RASA1: variants seen among roughly 807,000 people sequenced by gnomAD.
The protein encoded by RASA1 is ras GTPase-activating protein 1.
RASA1 carries 25 observed loss-of-function variants against 132.2 expected under a neutral mutation model. That is an observed-to-expected ratio of 0.19 (90% CI 0.14 to 0.26). RASA1 has a LOEUF of 0.26. Among genes scored for constraint, RASA1 ranks in the 10% least tolerant of loss-of-function variants. RASA1 has a pLI of 1.00. For synonymous variants in RASA1, 477 were observed against 449.9 expected, an observed-to-expected ratio of 1.06 and a Z score of -0.76; for missense variants, 964 against 1,299.2, an observed-to-expected ratio of 0.74 and a Z score of 3.97.
intron 1 of RASA1, among the ~76,000 whole-genome samples, chr5:87,330,674 T>C (rs1757539491): frequency 6.6e-6 from 1 of 152,170 alleles, no homozygotes; most frequent in African/African-American, 2.4e-5. Context: ...AGTATGTAGG[T>C]AGAACACAGT....
Position 87,267,956 on chromosome 5 carries a change from C to CG in RASA1, c.-496_-495insG, listed in dbSNP as rs1753639420. 5 of 393,708 alleles carry CG rather than the reference C, an allele frequency of 1.3e-5. No homozygotes were observed. The highest frequency in any genetic ancestry group is 2.7e-4 in the South Asian group (2 of 7,284). 24.4% of individuals were successfully genotyped at this position (393,708 alleles called of 1,614,324 possible). The stretch of plus-strand genomic sequence containing the variant: ...ACCCCGCCCCCCTTTCTCTTGCCCC[C>CG]CCACCCCTCTCATCTGCCTGGTGGA... On this transcript the variant is annotated 5_prime_UTR_variant, in exon 1 of 25. Coordinates refer to ENST00000274376, the MANE Select transcript of RASA1 (RefSeq NM_002890.3).
intron 1 of RASA1, chr5:87,330,999 T>A: frequency 7.1e-7 from 1 of 1,406,658 alleles, no homozygotes; most frequent in Non-Finnish European, 9.3e-7. Context: ...AAATTAATCA[T>A]TTCCATTTGT....
intron 1 of RASA1, among the ~76,000 whole-genome samples, chr5:87,314,395 T>C (rs765357372): frequency 6.6e-6 from 1 of 151,930 alleles, no homozygotes; most frequent in African/African-American, 2.4e-5. Flanking sequence ...TATAAAGAGA[T>C]GGAAGACCAG....
intron 1 of RASA1, among the ~76,000 whole-genome samples, chr5:87,324,829 A>G (rs1263148780): frequency 6.6e-6 from 1 of 152,190 alleles, no homozygotes; most frequent in African/African-American, 2.4e-5. Context: ...TGAATTTACC[A>G]GTGACCCAAT....
At chr5:87,285,935 T>C (rs1754540054) in intron 1 of RASA1, among the ~76,000 whole-genome samples, 1 of 152,102 alleles carries the variant, frequency 6.6e-6, no homozygotes, top group African/African-American at 2.4e-5. Context: ...TCTCTTTTTC[T>C]CCTTTCCCAC....
intron 11 of RASA1, chr5:87,366,278 A>G (rs956071683): frequency 7.7e-5 from 25 of 323,310 alleles, no homozygotes; most frequent in Non-Finnish European, 1.3e-4. Flanking sequence ...AGGAAGTATT[A>G]AGATGAATAT....
At position 87,268,591 on chromosome 5, in the gene RASA1, C is replaced by T; in HGVS notation, c.140C>T (p.Ala47Val). 2 of 1,610,636 alleles carry T rather than the reference C, an allele frequency of 1.2e-6. No homozygotes were observed. The highest frequency in any genetic ancestry group is 1.7e-6 in the Non-Finnish European group (2 of 1,179,036). Reference sequence around the variant, plus strand: ...CCCGCGGCCCTGCCTGTGGCAGCCGCCCCCTATCCTGGGCTGGTGGAGACC... The same window carrying T: ...CCCGCGGCCCTGCCTGTGGCAGCCGTCCCCTATCCTGGGCTGGTGGAGACC... ...KIPAALPVAA[A>V]PYPGLVETGV... Residue 47 changes from alanine (A) to valine (V), a missense_variant, in exon 1 of 25, where the codon GCC (alanine) becomes GTC (valine). By Grantham distance (64) the Ala-to-Val change is moderately conservative. Around this residue, in one of 6 missense-constraint regions of RASA1, gnomAD observed 326 missense variants for 275.8 expected, o/e 1.18. Coordinates refer to ENST00000274376, the MANE Select transcript of RASA1 (RefSeq NM_002890.3).
intron 8 of RASA1, among the ~76,000 whole-genome samples, chr5:87,350,414 C>G (rs1303702442): frequency 6.6e-6 from 1 of 151,660 alleles, no homozygotes; most frequent in African/African-American, 2.4e-5. Flanking sequence ...TTAGAACATA[C>G]AAAATAATGC....
At chr5:87,282,946 C>T (rs373247807) in intron 1 of RASA1, among the ~76,000 whole-genome samples, 5 of 152,056 alleles carry the variant, frequency 3.3e-5, no homozygotes, top group Admixed American at 6.6e-5. Flanking sequence ...AATTAACCTG[C>T]GTTACCTTAC....
At chr5:87,383,041 G>A (rs547537861) in intron 20 of RASA1, among the ~76,000 whole-genome samples, 1 of 152,176 alleles carries the variant, frequency 6.6e-6, no homozygotes, top group African/African-American at 2.4e-5. Flanking sequence ...GCAGTGAGCT[G>A]TGATTGTGGG....
At chr5:87,363,603 A>G (rs1760277615) in intron 11 of RASA1, 99 bp downstream of exon 11, 3 of 1,368,146 alleles carry the variant, frequency 2.2e-6, no homozygotes, top group Non-Finnish European at 3.1e-6. Flanking sequence ...ATCATCTTCT[A>G]AAAGTAGCAG....
intron 19 of RASA1, 78 bp downstream of exon 19, chr5:87,379,928 C>T (rs145658483): frequency 5.7e-6 from 8 of 1,398,788 alleles, no homozygotes; most frequent in Non-Finnish European, 8.0e-6. Flanking sequence ...AACGTGAAAG[C>T]TTTTCTGTTG....
chr5:87,337,630 G>C (rs1469109198), intron 4 of RASA1, among the ~76,000 whole-genome samples: 1 of 151,974 alleles, frequency 6.6e-6, no homozygotes, highest in Non-Finnish European at 1.5e-5. Flanking sequence ...TTTCAATTCA[G>C]TTTTCTTGTA....
At chr5:87,272,534 T>C (rs966517575) in intron 1 of RASA1, among the ~76,000 whole-genome samples, 2 of 151,914 alleles carry the variant, frequency 1.3e-5, no homozygotes, top group Admixed American at 6.6e-5. Context: ...CTTCCTCATA[T>C]GATTGTTTTT....
intron 12 of RASA1, among the ~76,000 whole-genome samples, chr5:87,371,140 A>C (rs902629708): frequency 1.7e-4 from 26 of 152,146 alleles, no homozygotes; most frequent in Admixed American, 1.7e-3. Context: ...ACATACCATA[A>C]TGACATTTCA....
chr5:87,362,634 T>C lies in RASA1; in HGVS notation c.1416T>C (p.Tyr472=), dbSNP rs1760200145. Residue 472 remains tyrosine, a synonymous_variant, in exon 10 of 25, where the codon TAT becomes TAC. Transcript: ENST00000274376. Reference sequence around the variant, plus strand: ...GTCGTAAAACAAAGGATGCCTTTTATAAAAACATTGTTAAGAAAGGTTATC... The same window carrying C: ...GTCGTAAAACAAAGGATGCCTTTTACAAAAACATTGTTAAGAAAGGTTATC... The part of the protein sequence containing the change: ...TIRRKTKDAF[Y]KNIVKKGYLL... 6.2e-7 allele frequency: 1 copy of C among 1,602,868 alleles called. No homozygotes were observed. Among genetic ancestry groups the C allele is most frequent in the South Asian group, 1.1e-5 (1 of 90,822 alleles).
At chr5:87,346,975 GT>G (rs1370598106) in intron 7 of RASA1, among the ~76,000 whole-genome samples, 2 of 151,584 alleles carry the variant, frequency 1.3e-5, no homozygotes. Flanking sequence ...CTAGGTGACA[GT>G]TTTTTTTCCC....
intron 1 of RASA1, among the ~76,000 whole-genome samples, chr5:87,321,562 C>T (rs1468492354): frequency 1.3e-5 from 2 of 152,208 alleles, no homozygotes; most frequent in Admixed American, 6.5e-5. Flanking sequence ...CAGAGAAACA[C>T]GTTTACTGGT....
At chr5:87,297,835 A>G (rs1469628043) in intron 1 of RASA1, among the ~76,000 whole-genome samples, 1 of 152,060 alleles carries the variant, frequency 6.6e-6, no homozygotes, top group African/African-American at 2.4e-5. Context: ...GGAGTTTTTA[A>G]TTGTCATTTG....
Sources: gnomAD v4.1 joint callset for allele counts (sites outside exome capture counted in the v4.1 genomes callset) on GRCh38, gnomAD v4.1.1 for gene constraint, gnomAD v4.1.1 regional missense constraint, MANE v1.5 for transcripts, NCBI Gene and HGNC (gene_info 2026-07-23, HGNC 2026-07-21) for gene names.